SKOR1: variants seen among roughly 807,000 people sequenced by gnomAD.
SKOR1 encodes LBX1 corepressor 1.
Under a neutral mutation model 72.4 loss-of-function variants are expected in SKOR1, and 38 were observed. The observed-to-expected ratio is 0.52, with a 90% CI of 0.40 to 0.69. SKOR1 has a LOEUF of 0.69. SKOR1 is among the 30% of genes least tolerant of loss of function. The probability of loss-of-function intolerance (pLI) is 0.00; values close to 1 mark genes in which losing one functional copy is unlikely to be tolerated. For synonymous variants in SKOR1, 642 were observed against 599.4 expected, an observed-to-expected ratio of 1.07 and a Z score of -1.04; for missense variants, 1,320 against 1,343.2, an observed-to-expected ratio of 0.98 and a Z score of 0.27.
At chr15:67,828,651 G>GCCTTGGGAA (rs1233634114) in intron 2 of SKOR1, among the ~76,000 whole-genome samples, 1 of 152,090 alleles carries the variant, frequency 6.6e-6, no homozygotes. Flanking sequence ...TCGCACTCCC[G>GCCTTGGGAA]CCTTGGGAAC....
At chr15:67,830,335 C>T (rs2090999490) in intron 4 of SKOR1, 37 bp downstream of exon 4, 2 of 1,596,892 alleles carry the variant, frequency 1.3e-6, no homozygotes, top group African/African-American at 2.7e-5. Context: ...CTCCACCGCA[C>T]CCAGGAGCTG....
At position 67,827,891 on chromosome 15, in the gene SKOR1, G is replaced by A. The variant is rs771264503; in HGVS notation, c.2063G>A (p.Gly688Asp). Residue 688 changes from glycine (G) to aspartate (D), a missense_variant, in exon 2 of 9, where the codon GGC becomes GAC. By Grantham distance (94) the Gly-to-Asp change is moderately conservative. Transcript: ENST00000380035. ...TEPSAPSAGG[G>D]PDGEQPTGPP... ...CCCAGCGCACCCAGCGCAGGGGGCGGCCCAGACGGTGAACAGCCCACTGGA... is the reference window on the plus strand; with the variant it reads ...CCCAGCGCACCCAGCGCAGGGGGCGACCCAGACGGTGAACAGCCCACTGGA... The A allele has an allele frequency of 1.9e-6, 3 of 1,599,876 alleles. No homozygotes were observed. Among genetic ancestry groups the A allele is most frequent in the Non-Finnish European group, 1.7e-6 (2 of 1,174,314 alleles).
At position 67,834,564 on chromosome 15, in the gene SKOR1, G is replaced by T. The variant is rs1023161104; in HGVS notation, c.*728G>T. 17 of 145,038 alleles carry T rather than the reference G, an allele frequency of 1.2e-4. No homozygotes were observed. The highest frequency in any genetic ancestry group is 4.1e-4 in the African/African-American group (16 of 39,402). 9.0% of individuals were successfully genotyped at this position (145,038 alleles called of 1,614,324 possible). ...AATAATAATAATAATAATAATAAAA[G>T]ATGTCACTTCTGGGGCTACGGAGGT... On this transcript the variant is annotated 3_prime_UTR_variant, in exon 9 of 9. Coordinates refer to ENST00000380035, the MANE Select transcript of SKOR1 (RefSeq NM_001365915.1). This position sits in a 1 kb window ranked among gnomAD's most constrained non-coding sequence, Gnocchi z 5.8.
In SKOR1 at chr15:67,832,253, C is replaced by G; in HGVS notation, c.2588-21C>G. ...CCCTGCTTTACCTCCCACTTTACCT[C>G]CCACTTTTCCCCTTTCACAGAGGAA... is the stretch of plus-strand genomic sequence containing the variant. On this transcript the variant is annotated intron_variant, in intron 5 of 8. Coordinates refer to ENST00000380035, the MANE Select transcript of SKOR1 (RefSeq NM_001365915.1). The surrounding 1 kb of genome is among the most constrained non-coding windows in gnomAD (Gnocchi z 4.5). The G allele has an allele frequency of 6.2e-7, 1 of 1,612,832 alleles. No homozygotes were observed. Among genetic ancestry groups the G allele is most frequent in the Non-Finnish European group, 8.5e-7 (1 of 1,178,954 alleles).
rs770154145 is a variant in SKOR1 at position 67,827,880 on chromosome 15, C to T, written c.2052C>T (p.Ser684=). Residue 684 remains serine (S), a synonymous_variant, in exon 2 of 9, where the codon AGC becomes AGT. Transcript: ENST00000380035. ...AQEETEPSAP[S]AGGGPDGEQP... Reference sequence around the variant, plus strand: ...AGGAGACCGAGCCCAGCGCACCCAGCGCAGGGGGCGGCCCAGACGGTGAAC... The same window carrying T: ...AGGAGACCGAGCCCAGCGCACCCAGTGCAGGGGGCGGCCCAGACGGTGAAC... 14 of 1,600,616 alleles carry T rather than the reference C, an allele frequency of 8.7e-6. No individual in the cohort carries two copies. The highest frequency in any genetic ancestry group is 1.2e-5 in the Non-Finnish European group (14 of 1,174,582).
chr15:67,833,671 GA>G lies in SKOR1; in HGVS notation c.2804-68del. ...AAAGGGTTGGTAAGGCCGGGGAGGG[GA>G]AAGGGTGGACTGCGCGGTGAGGTGA... is the stretch of plus-strand genomic sequence containing the variant. On this transcript the variant is annotated intron_variant, in intron 8 of 8. Coordinates refer to ENST00000380035, the MANE Select transcript of SKOR1 (RefSeq NM_001365915.1). This position sits in a 1 kb window ranked among gnomAD's most constrained non-coding sequence, Gnocchi z 6.0. 1 of 1,497,890 alleles carries G rather than the reference GA, an allele frequency of 6.7e-7. No individual in the cohort carries two copies. The highest frequency in any genetic ancestry group is 9.3e-7 in the Non-Finnish European group (1 of 1,077,526). 92.8% of individuals were successfully genotyped at this position (1,497,890 alleles called of 1,614,324 possible).
chr15:67,833,279 G>C lies in SKOR1; in HGVS notation c.2803+22G>C, dbSNP rs1566977569. ...AAAGGTGCGGAAGCCGGGAAACAAA[G>C]ATAGGAGGGGTGCTGGGTGCCGGCC... On this transcript the variant is annotated intron_variant, in intron 8 of 8. Transcript: ENST00000380035. The surrounding 1 kb of genome is among the most constrained non-coding windows in gnomAD (Gnocchi z 6.0). 6.2e-7 allele frequency: 1 copy of C among 1,613,736 alleles called. No individual in the cohort carries two copies. Among genetic ancestry groups the C allele is most frequent in the Non-Finnish European group, 8.5e-7 (1 of 1,179,736 alleles).
chr15:67,830,080 G>C (rs2090996882), intron 3 of SKOR1, 111 bp from the exon 4 acceptor site: 1 of 1,073,400 alleles, frequency 9.3e-7, no homozygotes, highest in Non-Finnish European at 1.4e-6. Context: ...GGAACCAGAG[G>C]CGGCCACGAC....
At position 67,832,655 on chromosome 15, in the gene SKOR1, T is replaced by C; in HGVS notation, c.2711T>C (p.Met904Thr). The change falls in exon 7 of 9, where the codon ATG becomes ACG. Residue 904 changes from methionine to threonine, a missense_variant. By Grantham distance (81) the Met-to-Thr change is moderately conservative (BLOSUM62 -1). Coordinates refer to ENST00000380035, the MANE Select transcript of SKOR1 (RefSeq NM_001365915.1). This position sits in a 1 kb window ranked among gnomAD's most constrained non-coding sequence, Gnocchi z 4.5. ...MKRELAYREE[M>T]VQQLQIVRDT... ...AGGGAATTGGCTTATCGAGAAGAAA[T>C]GGTGCAACAGCTGCAAATTGTCAGA... 2 of 1,613,976 alleles carry C rather than the reference T, an allele frequency of 1.2e-6. No homozygotes were observed. The highest frequency in any genetic ancestry group is 1.7e-6 in the Non-Finnish European group (2 of 1,179,964).
At chr15:67,830,426 G>A (rs925309863) in intron 4 of SKOR1, 128 bp downstream of exon 4, 6 of 785,288 alleles carry the variant, frequency 7.6e-6, no homozygotes, top group Non-Finnish European at 1.3e-5. Flanking sequence ...CTTCTTCCTC[G>A]GCGAGCAGAT....
chr15:67,827,555 C>A lies in SKOR1; in HGVS notation c.1727C>A (p.Ala576Asp). ...GTDEALPPPLAPLPPPPPPPA... is the reference protein window; with the variant it reads ...GTDEALPPPLDPLPPPPPPPA... ...GACGAGGCGCTGCCACCGCCCCTGGCCCCGTTGCCCCCGCCGCCCCCGCCG... is the reference window on the plus strand; with the variant it reads ...GACGAGGCGCTGCCACCGCCCCTGGACCCGTTGCCCCCGCCGCCCCCGCCG... The change falls in exon 2 of 9, where the codon GCC (alanine) becomes GAC (aspartate). Residue 576 changes from alanine to aspartate, a missense_variant. Ala to Asp is a moderately radical substitution (Grantham distance 126, BLOSUM62 -2). Coordinates refer to ENST00000380035, the MANE Select transcript of SKOR1 (RefSeq NM_001365915.1). 4 of 1,519,028 alleles carry A rather than the reference C, an allele frequency of 2.6e-6. No individual in the cohort carries two copies. The highest frequency in any genetic ancestry group is 1.4e-5 in the African/African-American group (1 of 71,342). The allele number at this position is 1,519,028 out of a possible 1,614,324, so 94.1% of individuals were successfully genotyped here.
chr15:67,826,754 G>A lies in SKOR1; in HGVS notation c.926G>A (p.Gly309Asp). Residue 309 changes from glycine (G) to aspartate (D), a missense_variant, in exon 2 of 9, where the codon GGC (glycine) becomes GAC (aspartate). By Grantham distance (94) the Gly-to-Asp change is moderately conservative (BLOSUM62 -1). Around this residue, in one of 3 missense-constraint regions of SKOR1, gnomAD observed 1,099 missense variants for 1,025.5 expected, o/e 1.07. Transcript: ENST00000380035. ...KGGAGGGGGG[G>D]PGCGAEMAPG... ...GGTGCTGGCGGCGGTGGCGGCGGTGGCCCAGGGTGCGGTGCAGAGATGGCC... is the reference window on the plus strand; with the variant it reads ...GGTGCTGGCGGCGGTGGCGGCGGTGACCCAGGGTGCGGTGCAGAGATGGCC... 1 of 1,536,088 alleles carries A rather than the reference G, an allele frequency of 6.5e-7. No individual in the cohort carries two copies.
chr15:67,827,358 C>T lies in SKOR1; in HGVS notation c.1530C>T (p.Ala510=). 6.3e-7 allele frequency: 1 copy of T among 1,576,796 alleles called. No homozygotes were observed. Among genetic ancestry groups the T allele is most frequent in the Non-Finnish European group, 8.5e-7 (1 of 1,170,820 alleles). ...CCTACCCCGCTGCTCAGAGCCAAGC[C>T]AAGGCCGTGGCGGCAGCCGTGGCGG... ...VPSYPAAQSQ[A]KAVAAAVAAA... The change falls in exon 2 of 9, where the codon GCC becomes GCT. Residue 510 remains alanine (A), a synonymous_variant. Transcript: ENST00000380035.
Position 67,827,156 on chromosome 15 carries a change from C to T in SKOR1, c.1328C>T (p.Ala443Val). ...GGCGGGGGTGCGGGGGGCCCGGGAG[C>T]CAGCCACTTGCCCCCGGGGGCAGGG... ...GTGGGAGGPG[A>V]SHLPPGAGAG... Residue 443 changes from alanine to valine, a missense_variant, in exon 2 of 9, where the codon GCC becomes GTC. Ala to Val is a moderately conservative substitution (Grantham distance 64, BLOSUM62 0). Around this residue, in one of 3 missense-constraint regions of SKOR1, gnomAD observed 1,099 missense variants for 1,025.5 expected, o/e 1.07. Transcript: ENST00000380035. 1.5e-6 allele frequency: 2 copies of T among 1,354,198 alleles called. No individual in the cohort carries two copies. The highest frequency in any genetic ancestry group is 9.4e-7 in the Non-Finnish European group (1 of 1,064,182). 83.9% of individuals were successfully genotyped at this position (1,354,198 alleles called of 1,614,324 possible). A position where few individuals can be genotyped will look rare whatever the true frequency, so the allele number is the denominator to read the frequency against.
In SKOR1 at chr15:67,832,302, A is replaced by C; in HGVS notation, c.2616A>C (p.Gln872His). Residue 872 changes from glutamine to histidine, a missense_variant, in exon 6 of 9, where the codon CAA becomes CAC. Transcript: ENST00000380035. This position sits in a 1 kb window ranked among gnomAD's most constrained non-coding sequence, Gnocchi z 4.5. ...AATTGCAAAAACTGCTCCTGGAACA[A>C]ATGGAGCTCCGCAAGAAGCTGGAAC... ...REELQKLLLE[Q>H]MELRKKLERE... is the part of the protein sequence containing the mutation. The C allele has an allele frequency of 1.2e-6, 2 of 1,614,104 alleles. No individual in the cohort carries two copies. Among genetic ancestry groups the C allele is most frequent in the East Asian group, 2.2e-5 (1 of 44,888 alleles).
Position 67,830,318 on chromosome 15 carries a change from C to A in SKOR1, c.2515+20C>A. On this transcript the variant is annotated intron_variant, in intron 4 of 8. Transcript: ENST00000380035. ...ACAGAGGTGAGCCAGCCCTTGAACC[C>A]ATCGCTCTCCACCGCACCCAGGAGC... 6.2e-7 allele frequency: 1 copy of A among 1,600,490 alleles called. No homozygotes were observed. The highest frequency in any genetic ancestry group is 1.3e-5 in the African/African-American group (1 of 74,896).
At position 67,826,792 on chromosome 15, in the gene SKOR1, C is replaced by T. The variant is rs2090962016; in HGVS notation, c.964C>T (p.Pro322Ser). The T allele has an allele frequency of 1.3e-6, 2 of 1,531,894 alleles. No homozygotes were observed. The highest frequency in any genetic ancestry group is 2.0e-5 in the Admixed American group (1 of 50,800). 94.9% of individuals were successfully genotyped at this position (1,531,894 alleles called of 1,614,324 possible). The change falls in exon 2 of 9, where the codon CCC (proline) becomes TCC (serine). Residue 322 changes from proline to serine, a missense_variant. This residue lies in a region of SKOR1 where 1,099 missense variants were observed against 1,025.5 expected (regional missense o/e 1.07). Coordinates refer to ENST00000380035, the MANE Select transcript of SKOR1 (RefSeq NM_001365915.1). ...CGAEMAPGPP[P>S]HKSLRCGEDE... is the part of the protein sequence containing the mutation. The stretch of plus-strand genomic sequence containing the variant: ...TGCAGAGATGGCCCCAGGCCCGCCG[C>T]CCCACAAAAGCCTGCGCTGTGGCGA...
Position 67,827,842 on chromosome 15 carries a change from G to A in SKOR1, c.2014G>A (p.Glu672Lys). 1 of 1,597,986 alleles carries A rather than the reference G, an allele frequency of 6.3e-7. No homozygotes were observed. The highest frequency in any genetic ancestry group is 1.1e-5 in the South Asian group (1 of 88,748). The change falls in exon 2 of 9, where the codon GAG (glutamate) becomes AAG (lysine). Residue 672 changes from glutamate (E) to lysine (K), a missense_variant. Physicochemically the swap from Glu to Lys is moderately conservative, Grantham distance 56. This residue lies in a region of SKOR1 where 1,099 missense variants were observed against 1,025.5 expected (regional missense o/e 1.07). Transcript: ENST00000380035. ...DVESNRFPDD[E>K]DAQEETEPSA... ...GGAATCCAACCGCTTCCCCGACGAC[G>A]AGGACGCCCAAGAGGAGACCGAGCC...
At chr15:67,829,080 C>T in intron 2 of SKOR1, 99 bp from the exon 3 acceptor site, 5 of 1,134,164 alleles carry the variant, frequency 4.4e-6, no homozygotes, top group Non-Finnish European at 6.1e-6. Context: ...ACCTTTGCCA[C>T]TCCGTCGGCT....
Sources: gnomAD v4.1 joint callset for allele counts (sites outside exome capture counted in the v4.1 genomes callset) on GRCh38, gnomAD v4.1.1 for gene constraint, gnomAD v4.1.1 regional missense constraint, Gnocchi (gnomAD v3.1) non-coding constraint, MANE v1.5 for transcripts, NCBI Gene and HGNC (gene_info 2026-07-23, HGNC 2026-07-21) for gene names.